Variants in HEG1 observed in about 807,000 individuals in gnomAD.
HEG1 encodes the protein heart development protein with EGF like domains 1, also known as protein HEG homolog 1.
HEG1 carries 56 observed loss-of-function variants against 125.6 expected under a neutral mutation model. That is an observed-to-expected ratio of 0.45 (90% CI 0.36 to 0.56). HEG1 has a LOEUF of 0.56. Among genes scored for constraint, HEG1 ranks in the 20% least tolerant of loss-of-function variants. The pLI, the probability that HEG1 is intolerant of heterozygous loss-of-function variation, is 0.00. For missense variants in HEG1, 1,523 were observed against 1,670.0 expected, an observed-to-expected ratio of 0.91 and a Z score of 1.53; for synonymous variants, 644 against 668.5, an observed-to-expected ratio of 0.96 and a Z score of 0.57.
chr3:125,017,932 G>A (rs2107702850), intron 5 of HEG1, among the ~76,000 whole-genome samples: 1 of 152,182 alleles, frequency 6.6e-6, no homozygotes, highest in African/African-American at 2.4e-5. Context: ...GGGAGGCTGA[G>A]GCAGGAGAAT....
intron 12 of HEG1, among the ~76,000 whole-genome samples, chr3:124,991,629 T>C (rs1408260208): frequency 6.6e-6 from 1 of 152,114 alleles, no homozygotes; most frequent in African/African-American, 2.4e-5. Flanking sequence ...TATTATTACT[T>C]TTTGAGATGA....
intron 14 of HEG1, among the ~76,000 whole-genome samples, chr3:124,982,763 G>A (rs573687903): frequency 2.0e-5 from 3 of 152,252 alleles, no homozygotes; most frequent in East Asian, 1.9e-4. Context: ...ATCTGCAGCC[G>A]GGGGTGGGCA....
At chr3:125,055,487 A>T in intron 1 of HEG1, 88 bp downstream of exon 1, 3 of 896,882 alleles carry the variant, frequency 3.3e-6, no homozygotes, top group Non-Finnish European at 4.2e-6. Context: ...CGCCGCGCGG[A>T]GGGGCCTACG....
chr3:125,021,447 T>A (rs568386121), intron 3 of HEG1, among the ~76,000 whole-genome samples: 1 of 152,334 alleles, frequency 6.6e-6, no homozygotes, highest in African/African-American at 2.4e-5. Flanking sequence ...AATTCTACAT[T>A]ACAGCTTAAA....
chr3:125,004,532 C>G (rs1022954076), intron 9 of HEG1, among the ~76,000 whole-genome samples: 5 of 152,086 alleles, frequency 3.3e-5, no homozygotes, highest in African/African-American at 1.2e-4. Flanking sequence ...CTCTGTCACC[C>G]AGGCTGGAGT....
At chr3:125,018,112 A>G (rs1937280097) in intron 5 of HEG1, among the ~76,000 whole-genome samples, 1 of 152,212 alleles carries the variant, frequency 6.6e-6, no homozygotes, top group Non-Finnish European at 1.5e-5. Flanking sequence ...CATAATAGCC[A>G]AAAGGTGGGA....
At chr3:124,978,744 T>A (rs1936593315) in intron 14 of HEG1, among the ~76,000 whole-genome samples, 1 of 151,466 alleles carries the variant, frequency 6.6e-6, no homozygotes, top group Non-Finnish European at 1.5e-5. Flanking sequence ...GAGGTTGCTG[T>A]GAGCCGAGAT....
intron 8 of HEG1, among the ~76,000 whole-genome samples, chr3:125,008,106 G>C (rs1937098770): frequency 6.6e-6 from 1 of 152,134 alleles, no homozygotes; most frequent in East Asian, 1.9e-4. Flanking sequence ...GTCAGGGTTT[G>C]ACCATGTGGA....
In HEG1 at chr3:124,973,769, T is replaced by C; in HGVS notation, c.3958A>G (p.Thr1320Ala). The change falls in exon 16 of 17, where the codon ACC (threonine) becomes GCC (alanine). Residue 1320 changes from threonine to alanine, a missense_variant. Transcript: ENST00000311127. The stretch of plus-strand genomic sequence containing the variant: ...TCCGTCATCTGGAGGAGGTTTTTGG[T>C]ACTTCCATTCTCATGCATTTCAATA... Reference protein sequence around the residue: ...EAIEMHENGSTKNLLQMTDVY... With the variant: ...EAIEMHENGSAKNLLQMTDVY... 2 of 1,613,994 alleles carry C rather than the reference T, an allele frequency of 1.2e-6. No individual in the cohort carries two copies. Among genetic ancestry groups the C allele is most frequent in the Non-Finnish European group, 8.5e-7 (1 of 1,179,866 alleles).
intron 1 of HEG1, among the ~76,000 whole-genome samples, chr3:125,044,511 T>A (rs570194673): frequency 6.6e-6 from 1 of 152,204 alleles, no homozygotes; most frequent in Non-Finnish European, 1.5e-5. Context: ...GCATTTCACA[T>A]AGACTGTCTC....
At chr3:125,026,278 GTTC>G (rs1937413382) in intron 3 of HEG1, among the ~76,000 whole-genome samples, 1 of 152,182 alleles carries the variant, frequency 6.6e-6, no homozygotes, top group African/African-American at 2.4e-5. Context: ...GCTGCACCTT[GTTC>G]TTGGGCGAGG....
At chr3:125,018,937 G>C (rs1228012155) in intron 5 of HEG1, among the ~76,000 whole-genome samples, 1 of 146,740 alleles carries the variant, frequency 6.8e-6, no homozygotes, top group Non-Finnish European at 1.5e-5. Flanking sequence ...TGCGATCTCA[G>C]CTAACTGCAA....
intron 9 of HEG1, among the ~76,000 whole-genome samples, chr3:125,002,584 A>G (rs1937016663): frequency 6.6e-6 from 1 of 152,208 alleles, no homozygotes; most frequent in Non-Finnish European, 1.5e-5. Flanking sequence ...TTGGATGCAA[A>G]ACATCTTCAA....
chr3:125,010,097 A>G (rs1326523318), intron 7 of HEG1, among the ~76,000 whole-genome samples: 2 of 152,248 alleles, frequency 1.3e-5, no homozygotes, highest in Non-Finnish European at 2.9e-5. Flanking sequence ...ACTGTTTCAC[A>G]TAACATCTGG....
At chr3:125,034,952 T>C (rs1245690380) in intron 1 of HEG1, among the ~76,000 whole-genome samples, 2 of 151,932 alleles carry the variant, frequency 1.3e-5, no homozygotes, top group African/African-American at 4.8e-5. Context: ...ACAGAGAAAG[T>C]AGAAGTGAAA....
At chr3:125,008,337 ACTT>A (rs1411231452) in intron 8 of HEG1, among the ~76,000 whole-genome samples, 4 of 152,246 alleles carry the variant, frequency 2.6e-5, no homozygotes, top group Non-Finnish European at 5.9e-5. Context: ...TTGGTAGGGT[ACTT>A]CTTAAAAATT....
At chr3:124,983,877 G>C (rs1174092081) in intron 14 of HEG1, among the ~76,000 whole-genome samples, 1 of 152,182 alleles carries the variant, frequency 6.6e-6, no homozygotes, top group African/African-American at 2.4e-5. Context: ...GTTGGGTACA[G>C]AACAACAGTT....
chr3:125,040,945 G>C (rs1937589234), intron 1 of HEG1, among the ~76,000 whole-genome samples: 3 of 152,264 alleles, frequency 2.0e-5, no homozygotes, highest in South Asian at 4.1e-4. Flanking sequence ...TTTAGATTCT[G>C]ACCCTCTGAG....
chr3:125,013,108 G>A lies in HEG1; in HGVS notation c.2471C>T (p.Thr824Ile), dbSNP rs1280218502. The A allele has an allele frequency of 1.2e-6, 2 of 1,614,006 alleles. No homozygotes were observed. Among genetic ancestry groups the A allele is most frequent in the South Asian group, 2.2e-5 (2 of 91,070 alleles). ...GCTTGTGGCTGGAAGGGTTTGCTCT[G>A]TGGAGGACTCTGTTAAGGATGGAGG... Reference protein sequence around the residue: ...PLPPSLTESSTEQTLPATSTN... With the variant: ...PLPPSLTESSIEQTLPATSTN... The change falls in exon 6 of 17, where the codon ACA (threonine) becomes ATA (isoleucine). Residue 824 changes from threonine to isoleucine, a missense_variant. By Grantham distance (89) the Thr-to-Ile change is moderately conservative (BLOSUM62 -1). Transcript: ENST00000311127.
Sources: allele counts gnomAD v4.1 joint callset (sites outside exome capture counted in the v4.1 genomes callset), GRCh38; gene constraint gnomAD v4.1.1; transcripts MANE v1.5; gene names NCBI Gene and HGNC (gene_info 2026-07-23, HGNC 2026-07-21).